STK31: variants seen among roughly 807,000 people sequenced by gnomAD.
STK31 encodes the protein serine/threonine kinase 31.
Under a neutral mutation model 129.7 loss-of-function variants are expected in STK31, and 89 were observed. The observed-to-expected ratio is 0.69, with a 90% CI of 0.58 to 0.82. STK31 has a LOEUF of 0.82. Among genes scored for constraint, STK31 ranks in the 40% least tolerant of loss-of-function variants. The probability of loss-of-function intolerance (pLI) is 0.00; values close to 1 mark genes in which losing one functional copy is unlikely to be tolerated. For missense variants in STK31, 1,187 were observed against 1,176.4 expected (o/e 1.01, Z -0.13); for synonymous variants, 448 against 395.3 (o/e 1.13, Z -1.58).
intron 22 of STK31, among the ~76,000 whole-genome samples, chr7:23,808,970 T>TGTGTGTGTGTGTGTGTGTGC (rs60631283): frequency 0.043 from 5,954 of 139,528 alleles, 270 homozygotes; most frequent in Non-Finnish European, 0.063. Flanking sequence ...TGTGTGTGTG[T>TGTGTGTGTGTGTGTGTGTGC]GCCTGTGTCT....
chr7:23,753,490 G>A (rs1788852798), intron 9 of STK31, among the ~76,000 whole-genome samples: 2 of 152,116 alleles, frequency 1.3e-5, no homozygotes, highest in Non-Finnish European at 2.9e-5. Flanking sequence ...TAAGCGGGTT[G>A]GAAAATGAAT....
chr7:23,738,673 C>T (rs898147877), intron 8 of STK31, among the ~76,000 whole-genome samples: 6 of 149,940 alleles, frequency 4.0e-5, no homozygotes, highest in Non-Finnish European at 8.9e-5. Flanking sequence ...TCTCCTGCCT[C>T]AGCCTCCTGA....
At chr7:23,816,761 AG>A (rs1463431271) in intron 23 of STK31, among the ~76,000 whole-genome samples, 4 of 152,236 alleles carry the variant, frequency 2.6e-5, no homozygotes, top group Non-Finnish European at 5.9e-5. Context: ...AAATCATATA[AG>A]TGATATCCCA....
At chr7:23,756,191 C>A (rs1041459458) in intron 10 of STK31, among the ~76,000 whole-genome samples, 1 of 152,042 alleles carries the variant, frequency 6.6e-6, no homozygotes, top group African/African-American at 2.4e-5. Flanking sequence ...GTTTGTAGTT[C>A]TTCTTGAAGA....
At chr7:23,728,610 G>A (rs370306536) in intron 5 of STK31, among the ~76,000 whole-genome samples, 1 of 152,136 alleles carries the variant, frequency 6.6e-6, no homozygotes, top group Non-Finnish European at 1.5e-5. Context: ...AACAGATGTA[G>A]AGCTGGAGGT....
chr7:23,814,163 T>TTTTTTTTTTTTTTTTTTTTGTG, intron 22 of STK31, among the ~76,000 whole-genome samples: 1 of 148,978 alleles, frequency 6.7e-6, no homozygotes, highest in Middle Eastern at 3.4e-3. Context: ...TTTTTTTTTT[T>TTTTTTTTTTTTTTTTTTTTGTG]TCAGTTGGGA....
At chr7:23,740,308 C>G (rs1562563256) in intron 8 of STK31, among the ~76,000 whole-genome samples, 1 of 152,090 alleles carries the variant, frequency 6.6e-6, no homozygotes, top group Admixed American at 6.5e-5. Context: ...CTTTTTGATG[C>G]ACACATTATC....
At chr7:23,710,514 G>T in intron 1 of STK31, 179 bp downstream of exon 1, 10 of 1,466,284 alleles carry the variant, frequency 6.8e-6, no homozygotes, top group Non-Finnish European at 9.0e-6. Context: ...GTGCATGCAG[G>T]CAGGCGAAAG....
rs182343753 is a variant in STK31, at chr7:23,729,667, G to A, written c.483+418G>A. On this transcript the variant is annotated intron_variant, in intron 6 of 23. Coordinates refer to ENST00000355870, the MANE Select transcript of STK31 (RefSeq NM_031414.5). ...CTGGATTACAGGCCTGTGCCACCAT[G>A]TCCAGCTAATTTTTGTATTTTTGGT... Among the ~76,000 whole-genome samples, 189 of 135,584 alleles carry A rather than the reference G, an allele frequency of 1.4e-3. 3 individuals are homozygous for A. The highest frequency in any genetic ancestry group is 4.9e-4 in the Non-Finnish European group (32 of 65,884). The allele number at this position is 135,584 out of a possible 152,430, so 88.9% of individuals were successfully genotyped here.
intron 23 of STK31, among the ~76,000 whole-genome samples, chr7:23,816,599 T>C (rs890591179): frequency 3.3e-5 from 5 of 152,228 alleles, no homozygotes; most frequent in African/African-American, 1.2e-4. Context: ...TTTATTAGAA[T>C]GAGGACCTCA....
At chr7:23,774,318 A>G (rs2083823464) in intron 15 of STK31, among the ~76,000 whole-genome samples, 1 of 152,108 alleles carries the variant, frequency 6.6e-6, no homozygotes, top group African/African-American at 2.4e-5. Flanking sequence ...GGCTGGGTCA[A>G]ATGGTATTTC....
intron 23 of STK31, among the ~76,000 whole-genome samples, chr7:23,821,641 A>G (rs1315555084): frequency 6.6e-6 from 1 of 152,170 alleles, no homozygotes; most frequent in Non-Finnish European, 1.5e-5. Context: ...GCTGTGCAGA[A>G]GCATTTTAGT....
chr7:23,814,687 C>T (rs574438572), intron 22 of STK31, among the ~76,000 whole-genome samples: 2 of 151,984 alleles, frequency 1.3e-5, no homozygotes, highest in Admixed American at 6.5e-5. Context: ...GTAAAAAATT[C>T]TCCATGTTTT....
At chr7:23,767,708 T>C (rs1042167063) in intron 11 of STK31, among the ~76,000 whole-genome samples, 2 of 152,238 alleles carry the variant, frequency 1.3e-5, no homozygotes, top group African/African-American at 4.8e-5. Context: ...CTGTTGCCTC[T>C]TGATGGTGCT....
chr7:23,714,235 A>G (rs1321597694), intron 3 of STK31, among the ~76,000 whole-genome samples: 1 of 152,204 alleles, frequency 6.6e-6, no homozygotes, highest in East Asian at 1.9e-4. Context: ...ATATTTGGCA[A>G]ATTTGTTTCT....
chr7:23,764,680 A>G (rs1381307803), intron 11 of STK31, among the ~76,000 whole-genome samples: 1 of 152,072 alleles, frequency 6.6e-6, no homozygotes, highest in East Asian at 1.9e-4. Context: ...AGTCTTTGAG[A>G]TATTTTTGTT....
chr7:23,728,591 T>C (rs1437943581), intron 5 of STK31, among the ~76,000 whole-genome samples: 1 of 152,202 alleles, frequency 6.6e-6, no homozygotes, highest in Non-Finnish European at 1.5e-5. Flanking sequence ...TTTTCTTTTT[T>C]ACTTTTTAAA....
Position 23,752,724 on chromosome 7 carries a change from A to G in STK31, c.1025A>G (p.Lys342Arg), listed in dbSNP as rs1358421994. The part of the protein sequence containing the change: ...EQIAQELQQE[K>R]AAAVDLTNHL... Reference sequence around the variant, plus strand: ...GTTTATTCTTTGTTTCAGCAAGAGAAGGCAGCTGCTGTGGATTTGACTAAC... The same window carrying G: ...GTTTATTCTTTGTTTCAGCAAGAGAGGGCAGCTGCTGTGGATTTGACTAAC... Residue 342 changes from lysine to arginine, a missense_variant, in exon 9 of 24, where the codon AAG (lysine) becomes AGG (arginine). Transcript: ENST00000355870. 2 of 1,608,868 alleles carry G rather than the reference A, an allele frequency of 1.2e-6. No homozygotes were observed. The highest frequency in any genetic ancestry group is 3.3e-5 in the Admixed American group (2 of 59,922).
At chr7:23,808,809 G>A (rs956664009) in intron 22 of STK31, among the ~76,000 whole-genome samples, 1 of 149,604 alleles carries the variant, frequency 6.7e-6, no homozygotes, top group Admixed American at 6.7e-5. Flanking sequence ...CTAATACTAC[G>A]GATGGGATAG....
Sources: allele counts gnomAD v4.1 joint callset (sites outside exome capture counted in the v4.1 genomes callset), GRCh38; gene constraint gnomAD v4.1.1; transcripts MANE v1.5; gene names NCBI Gene and HGNC (gene_info 2026-07-23, HGNC 2026-07-21).